The following DYM variants were observed in gnomAD, a reference collection of about 807,000 sequenced individuals.
DYM encodes the protein dyggve-Melchior-Clausen syndrome protein.
A neutral mutation model predicts 93.1 loss-of-function variants in DYM; 78 were observed. The ratio of observed to expected loss-of-function variants is 0.84; its 90% CI spans 0.70 to 1.01. The LOEUF is 1.01. DYM is among the 50% of genes least tolerant of loss of function. DYM has a pLI of 0.00. For missense variants in DYM, 789 were observed against 845.0 expected (o/e 0.93, Z 0.82); for synonymous variants, 321 against 319.7 (o/e 1.00, Z -0.04).
intron 2 of DYM, among the ~76,000 whole-genome samples, chr18:49,411,544 C>T (rs1338034376): frequency 6.6e-6 from 1 of 152,060 alleles, no homozygotes; most frequent in African/African-American, 2.4e-5. Context: ...ACACCGTTCT[C>T]ATATATGAAT....
At chr18:49,265,116 T>C (rs78294491) in intron 11 of DYM, among the ~76,000 whole-genome samples, 2,262 of 152,194 alleles carry the variant, frequency 0.015, 63 homozygotes, top group South Asian at 0.075. Context: ...CTAAACAATA[T>C]ATGTGCTATA....
intron 3 of DYM, 155 bp downstream of exon 3, chr18:49,391,438 C>G: frequency 2.7e-6 from 2 of 737,024 alleles, no homozygotes; most frequent in South Asian, 1.5e-5. Flanking sequence ...CTGAAGGGTA[C>G]CTTCTAGCAG....
At chr18:49,264,655 T>A (rs1353613955) in intron 11 of DYM, among the ~76,000 whole-genome samples, 2 of 152,198 alleles carry the variant, frequency 1.3e-5, no homozygotes, top group African/African-American at 4.8e-5. Context: ...ACTTTGCCCA[T>A]TTTTCTATCG....
At chr18:49,384,084 G>T (rs2068322160) in intron 3 of DYM, among the ~76,000 whole-genome samples, 1 of 152,084 alleles carries the variant, frequency 6.6e-6, no homozygotes, top group Non-Finnish European at 1.5e-5. Context: ...AGCACTTTCA[G>T]AGGCCAAGGT....
At chr18:49,187,450 T>G (rs2090557102) in intron 14 of DYM, among the ~76,000 whole-genome samples, 1 of 152,202 alleles carries the variant, frequency 6.6e-6, no homozygotes, top group South Asian at 2.1e-4. Flanking sequence ...TGAGCTAGTA[T>G]AATGAGCTAA....
chr18:49,079,496 G>A (rs1307940304), intron 17 of DYM, among the ~76,000 whole-genome samples: 5 of 151,920 alleles, frequency 3.3e-5, no homozygotes, highest in African/African-American at 4.8e-5. Flanking sequence ...AGGGAAGGTG[G>A]GCAGATAAAC....
At chr18:49,232,598 G>A (rs940976032) in intron 13 of DYM, among the ~76,000 whole-genome samples, 23 of 136,858 alleles carry the variant, frequency 1.7e-4, no homozygotes, top group Non-Finnish European at 2.7e-4. Flanking sequence ...CACTGTGCCC[G>A]GCCTCTTTTT....
At chr18:49,110,394 T>G (rs2081283510) in intron 16 of DYM, among the ~76,000 whole-genome samples, 1 of 152,218 alleles carries the variant, frequency 6.6e-6, no homozygotes, top group South Asian at 2.1e-4. Context: ...CATTAACTAG[T>G]CTATAGTACA....
intron 17 of DYM, among the ~76,000 whole-genome samples, chr18:49,071,402 C>A (rs1046357672): frequency 6.6e-6 from 1 of 152,208 alleles, no homozygotes; most frequent in African/African-American, 2.4e-5. Context: ...GTCTGTGTAA[C>A]ATTCTGTGAT....
intron 14 of DYM, among the ~76,000 whole-genome samples, chr18:49,193,207 A>T (rs1221055118): frequency 1.3e-5 from 2 of 152,094 alleles, no homozygotes; most frequent in African/African-American, 2.4e-5. Context: ...AAAATTAAAA[A>T]AAATTAAAAT....
At chr18:49,435,584 T>TA (rs546482756) in intron 1 of DYM, among the ~76,000 whole-genome samples, 672 of 152,200 alleles carry the variant, frequency 4.4e-3, no homozygotes, top group Non-Finnish European at 7.0e-3. Context: ...GGTCAGGAGT[T>TA]AGAGACCAGC....
intron 15 of DYM, among the ~76,000 whole-genome samples, chr18:49,134,461 G>C (rs2083650977): frequency 6.6e-6 from 1 of 152,178 alleles, no homozygotes; most frequent in African/African-American, 2.4e-5. Flanking sequence ...TAATATGCTT[G>C]AGGAATTTTT....
intron 14 of DYM, among the ~76,000 whole-genome samples, chr18:49,193,771 A>T (rs1165262270): frequency 6.6e-6 from 1 of 152,216 alleles, no homozygotes; most frequent in Non-Finnish European, 1.5e-5. Flanking sequence ...TTGTGTGATC[A>T]CTGCCAAACC....
intron 17 of DYM, among the ~76,000 whole-genome samples, chr18:49,050,625 T>C (rs116210435): frequency 1.1e-3 from 169 of 152,050 alleles, no homozygotes; most frequent in African/African-American, 3.8e-3. Flanking sequence ...GCCTTCTGCT[T>C]GAAGTTCACA....
chr18:49,318,344 G>A, intron 8 of DYM, among the ~76,000 whole-genome samples: 1 of 152,210 alleles, frequency 6.6e-6, no homozygotes, highest in East Asian at 1.9e-4. Flanking sequence ...TTTAAGCTGG[G>A]CATGGTGGCT....
chr18:49,045,103 G>A (rs570481832), intron 17 of DYM, among the ~76,000 whole-genome samples: 14 of 152,332 alleles, frequency 9.2e-5, no homozygotes, highest in South Asian at 8.3e-4. Flanking sequence ...CCAAGGCGTC[G>A]CTGGCAGGAG....
At chr18:49,339,720 T>G (rs2063947613) in intron 6 of DYM, among the ~76,000 whole-genome samples, 11 of 152,210 alleles carry the variant, frequency 7.2e-5, no homozygotes, top group Admixed American at 7.2e-4. Context: ...AAAGCTACGG[T>G]ATACTCAGAT....
chr18:49,283,228 G>T (rs2095035927), intron 9 of DYM, among the ~76,000 whole-genome samples: 1 of 152,014 alleles, frequency 6.6e-6, no homozygotes, highest in African/African-American at 2.4e-5. Context: ...TATTGTTTTT[G>T]CACATCATAA....
At chr18:49,264,283 T>G (rs1465168059) in intron 11 of DYM, among the ~76,000 whole-genome samples, 2 of 151,978 alleles carry the variant, frequency 1.3e-5, no homozygotes, top group Non-Finnish European at 2.9e-5. Context: ...TGAGAACATA[T>G]TTGAAGAAGT....
Sources: allele counts gnomAD v4.1 joint callset (sites outside exome capture counted in the v4.1 genomes callset), GRCh38; gene constraint gnomAD v4.1.1; transcripts MANE v1.5; gene names NCBI Gene and HGNC (gene_info 2026-07-23, HGNC 2026-07-21).